The following NDUFB11 variants were observed in gnomAD, a reference collection of about 807,000 sequenced individuals.
NDUFB11 encodes NADH:ubiquinone oxidoreductase subunit B11.
For synonymous variants in NDUFB11, 51 were observed against 57.4 expected (o/e 0.89, Z 0.51); for missense variants, 108 against 133.8 (o/e 0.81, Z 0.95).
chrX:47,144,449 C>CTGG, intron 1 of NDUFB11, 24 bp downstream of exon 1: 1 of 25,042 alleles, frequency 4.0e-5, no homozygotes, highest in Non-Finnish European at 7.2e-5. Flanking sequence ...CCCCACTACC[C>CTGG]CCCCCCCCCC....
upstream of NDUFB11, chrX:47,144,780 G>A: frequency 2.6e-6 from 2 of 776,190 alleles, no homozygotes; most frequent in Non-Finnish European, 3.6e-6. Flanking sequence ...CCTCCGCCAC[G>A]CTATATAGGT....
At chrX:47,143,531 C>T (rs187486224) in intron 1 of NDUFB11, among the ~76,000 whole-genome samples, 339 of 112,545 alleles carry the variant, frequency 3.0e-3, no homozygotes, top group Non-Finnish European at 4.8e-3. Flanking sequence ...CATAGAAACA[C>T]CTCACAATAT....
At chrX:47,144,048 C>T (rs1331734699) in intron 1 of NDUFB11, among the ~76,000 whole-genome samples, 2 of 109,556 alleles carry the variant, frequency 1.8e-5, no homozygotes, top group African/African-American at 3.3e-5. Context: ...ATCCCAGCAC[C>T]TTGGGAGGCC....
intron 1 of NDUFB11, 28 bp downstream of exon 1, chrX:47,144,445 T>TGCCCCCCCCCCCC: frequency 3.3e-5 from 2 of 61,003 alleles, no homozygotes; most frequent in East Asian, 8.4e-4. Flanking sequence ...CCGTCCCCAC[T>TGCCCCCCCCCCCC]ACCCCCCCCC....
chrX:47,144,888 G>T, upstream of NDUFB11: 1 of 379,572 alleles, frequency 2.6e-6, no homozygotes, highest in Non-Finnish European at 4.6e-6. Context: ...TTTCGGCCAG[G>T]CTGAGAAATT....
upstream of NDUFB11, chrX:47,145,352 C>T (rs1262904817): frequency 7.4e-6 from 7 of 952,319 alleles, no homozygotes; most frequent in East Asian, 3.4e-5. Flanking sequence ...CTTCTCCCCT[C>T]CCCCCGATCT....
upstream of NDUFB11, chrX:47,145,188 C>A: frequency 2.3e-6 from 1 of 429,449 alleles, no homozygotes; most frequent in Non-Finnish European, 4.1e-6. Flanking sequence ...GGGCGGTGAC[C>A]AATCGCCGGG....
rs1556761279 is a variant in NDUFB11 at position 47,144,613 on chromosome X, G to T, written c.67C>A (p.Pro23Thr). Residue 23 changes from proline to threonine, a missense_variant, in exon 1 of 3, where the codon CCG (proline) becomes ACG (threonine). Pro to Thr is a conservative substitution (Grantham distance 38). Coordinates refer to ENST00000377811, the MANE Select transcript of NDUFB11 (RefSeq NM_001135998.3). ...GATTCCCAGCGGACGCGGGCGGCCGGGAGCCCTCGCGTCGCCGCTGCCGCC... is the reference window on the plus strand; with the variant it reads ...GATTCCCAGCGGACGCGGGCGGCCGTGAGCCCTCGCGTCGCCGCTGCCGCC... Reference protein sequence around the residue: ...LLAAAATRGLPAARVRWESSF... With the variant: ...LLAAAATRGLTAARVRWESSF... 1 of 1,197,863 alleles carries T rather than the reference G, an allele frequency of 8.3e-7. No individual in the cohort carries two copies. The highest frequency in any genetic ancestry group is 2.2e-5 in the Admixed American group (1 of 44,661).
In NDUFB11 at chrX:47,142,667, G is replaced by A; in HGVS notation, c.285C>T (p.Val95=). The A allele has an allele frequency of 8.3e-7, 1 of 1,211,954 alleles. No individual in the cohort carries two copies. ...TGCTGCCAAGGACCAGGATGATGGA[G>A]ACGCCAAAGAAGAAGACAAGTCGCA... ...WNMRLVFFFG[V]SIILVLGSTF... Residue 95 remains valine, a synonymous_variant, in exon 2 of 3, where the codon GTC becomes GTT. Transcript: ENST00000377811.
upstream of NDUFB11, chrX:47,145,253 C>CT: frequency 2.0e-6 from 1 of 489,572 alleles, no homozygotes. Context: ...CGCCGACTCC[C>CT]TTCTCGTCGT....
chrX:47,142,953 ATC>A (rs782570640), intron 1 of NDUFB11, among the ~76,000 whole-genome samples: 1 of 111,985 alleles, frequency 8.9e-6, no homozygotes, highest in African/African-American at 3.2e-5. Context: ...TCATGGCTGG[ATC>A]TGTCTCCTCA....
At chrX:47,145,455 G>A, upstream of NDUFB11, 1 of 1,154,424 alleles carries the variant, frequency 8.7e-7, no homozygotes, top group Non-Finnish European at 1.1e-6. Flanking sequence ...TGATGTCTGG[G>A]AGCCCTTCCT....
intron 1 of NDUFB11, among the ~76,000 whole-genome samples, chrX:47,143,440 A>G (rs1250118612): frequency 1.8e-5 from 2 of 112,177 alleles, no homozygotes; most frequent in African/African-American, 6.5e-5. Context: ...TATTTACAGA[A>G]TGAACAAGCA....
intron 1 of NDUFB11, among the ~76,000 whole-genome samples, chrX:47,143,526 A>ACTG (rs781885762): frequency 3.0e-3 from 340 of 112,616 alleles, no homozygotes; most frequent in Non-Finnish European, 4.8e-3. Context: ...TTTCACATAG[A>ACTG]AACACCTCAC....
intron 1 of NDUFB11, among the ~76,000 whole-genome samples, chrX:47,143,745 C>G (rs1046601634): frequency 5.4e-5 from 6 of 111,872 alleles, no homozygotes; most frequent in African/African-American, 1.6e-4. Flanking sequence ...CTACCAAGAT[C>G]ACACGGGTGG....
In NDUFB11 at chrX:47,144,446, ACCCCCCCC is replaced by A. The variant is rs374822796; in HGVS notation, c.207+19_207+26del. 114 of 53,772 alleles carry A rather than the reference ACCCCCCCC, an allele frequency of 2.1e-3. 17 individuals carry two copies. Among genetic ancestry groups the A allele is most frequent in the African/African-American group, 4.6e-3 (13 of 2,842 alleles). 4.4% of individuals were successfully genotyped at this position (53,772 alleles called of 1,213,427 possible). A position where few individuals can be genotyped will look rare whatever the true frequency, so the allele number is the denominator to read the frequency against. ...ACCCCTTCGGGGTTCCGTCCCCACT[ACCCCCCCC>A]CCCCCCCCCGCCTCTCACCTTCTCA... On this transcript the variant is annotated intron_variant, in intron 1 of 2. Transcript: ENST00000377811.
At chrX:47,144,445 T>TGGGGGCCCCCC in intron 1 of NDUFB11, 28 bp downstream of exon 1, 1 of 61,003 alleles carries the variant, frequency 1.6e-5, no homozygotes, top group Non-Finnish European at 2.6e-5. Flanking sequence ...CCGTCCCCAC[T>TGGGGGCCCCCC]ACCCCCCCCC....
At chrX:47,142,797 T>G in intron 1 of NDUFB11, 53 bp from the exon 2 acceptor site, 2 of 1,148,889 alleles carry the variant, frequency 1.7e-6, no homozygotes, top group Non-Finnish European at 2.3e-6. Context: ...CAAAGCCTTA[T>G]TCTGGCCCTG....
Position 47,142,313 on chromosome X carries a change from C to A in NDUFB11, c.*4G>T, listed in dbSNP as rs1556760580. 1.7e-6 allele frequency: 2 copies of A among 1,207,369 alleles called. No homozygotes were observed. Among genetic ancestry groups the A allele is most frequent in the East Asian group, 5.9e-5 (2 of 33,763 alleles). On this transcript the variant is annotated 3_prime_UTR_variant, in exon 3 of 3. Transcript: ENST00000377811. Reference sequence around the variant, plus strand: ...GTGCTTCTTGAGCCCCACTTAGCAACTGGTCACTCATCCTCTGGCAGCTGG... The same window carrying A: ...GTGCTTCTTGAGCCCCACTTAGCAAATGGTCACTCATCCTCTGGCAGCTGG...
Sources: gnomAD v4.1 joint callset for allele counts (sites outside exome capture counted in the v4.1 genomes callset) on GRCh38, gnomAD v4.1.1 for gene constraint, MANE v1.5 for transcripts, NCBI Gene and HGNC (gene_info 2026-07-23, HGNC 2026-07-21) for gene names.